The following CENPN variants were observed in gnomAD, a reference collection of about 807,000 sequenced individuals.
CENPN encodes the protein interphase centromere complex protein 32.
In CENPN, 36 loss-of-function variants were observed where a neutral mutation model predicts 48.6. The ratio of observed to expected loss-of-function variants is 0.74; its 90% CI spans 0.57 to 0.98. CENPN has a LOEUF of 0.98. Ranked by LOEUF, CENPN falls within the 50% of genes least tolerant of loss-of-function variation. CENPN has a pLI of 0.00. For synonymous variants in CENPN, 166 were observed against 135.2 expected (o/e 1.23, Z -1.58); for missense variants, 439 against 399.2 (o/e 1.10, Z -0.85).
intron 3 of CENPN, 120 bp downstream of exon 3, chr16:81,014,301 C>T: frequency 1.3e-6 from 1 of 759,846 alleles, no homozygotes; most frequent in East Asian, 2.6e-5. Context: ...GTAACGCCAT[C>T]TCAGCTCACC....
chr16:81,016,556 G>C (rs566401917), intron 3 of CENPN, among the ~76,000 whole-genome samples: 78 of 152,326 alleles, frequency 5.1e-4, no homozygotes, highest in African/African-American at 1.8e-3. Context: ...GAGGTCAGGA[G>C]TTCGACACTA....
chr16:81,017,231 T>G, intron 3 of CENPN, 95 bp from the exon 4 acceptor site: 1 of 814,252 alleles, frequency 1.2e-6, no homozygotes, highest in Non-Finnish European at 2.0e-6. Context: ...GAATTACTGT[T>G]ACTTTCCCCA....
intron 3 of CENPN, chr16:81,017,085 T>A: frequency 2.8e-6 from 1 of 359,648 alleles, no homozygotes; most frequent in South Asian, 3.2e-5. Flanking sequence ...TGGGCTAACA[T>A]AGAATAAATA....
At chr16:81,020,458 G>C (rs1376586854) in intron 6 of CENPN, 182 bp downstream of exon 6, 2 of 510,528 alleles carry the variant, frequency 3.9e-6, no homozygotes, top group Admixed American at 3.9e-5. Context: ...ACGAGTCCAA[G>C]GCTGCCGTGA....
At chr16:81,009,972 G>T (rs1198037918) in intron 1 of CENPN, among the ~76,000 whole-genome samples, 1 of 152,196 alleles carries the variant, frequency 6.6e-6, no homozygotes, top group African/African-American at 2.4e-5. Context: ...GCCGAGGAGG[G>T]CAGATCACTT....
At chr16:81,019,666 C>T (rs1322119443) in intron 5 of CENPN, among the ~76,000 whole-genome samples, 2 of 151,798 alleles carry the variant, frequency 1.3e-5, no homozygotes, top group Non-Finnish European at 2.9e-5. Context: ...GTTTTCAGGA[C>T]AAGCCCAAGA....
intron 2 of CENPN, among the ~76,000 whole-genome samples, chr16:81,013,074 T>C (rs1218745489): frequency 6.6e-6 from 1 of 152,236 alleles, no homozygotes; most frequent in African/African-American, 2.4e-5. Flanking sequence ...AAGACGTGTG[T>C]ACTAATGTTC....
At chr16:81,021,461 C>G (rs980439339) in intron 6 of CENPN, among the ~76,000 whole-genome samples, 80 of 152,298 alleles carry the variant, frequency 5.3e-4, no homozygotes, top group African/African-American at 1.8e-3. Flanking sequence ...ACCATCCTGG[C>G]TGCATCATGT....
In CENPN at chr16:81,023,803, G is replaced by A. The variant is rs148116919; in HGVS notation, c.634-912G>A. The A allele has an allele frequency of 4.5e-3, 678 of 152,266 alleles. 1 individual carries two copies. Among genetic ancestry groups the A allele is most frequent in the Non-Finnish European group, 7.5e-3 (510 of 68,090 alleles). The allele number at this position is 152,266 out of a possible 1,614,324, so 9.4% of individuals were successfully genotyped here. ...AATACAACAAATAACCAGGCATGCC[G>A]GGCGCGGTGGCTCACACCTGTAATC... is the stretch of plus-strand genomic sequence containing the variant. On this transcript the variant is annotated intron_variant, in intron 7 of 10. Coordinates refer to ENST00000305850, the MANE Select transcript of CENPN (RefSeq NM_001100624.3).
chr16:81,010,549 T>C lies in CENPN; in HGVS notation c.-10-1381T>C, dbSNP rs190523064. 2.9e-3 allele frequency among the ~76,000 whole-genome samples: 446 copies of C among 152,256 alleles called. 1 individual carries two copies. Among genetic ancestry groups the C allele is most frequent in the Non-Finnish European group, 5.0e-3 (337 of 68,020 alleles). ...AGCTCTTTGTTCACAGGCGGTGCAT[T>C]AAAGGACTAAGAGACAGCAATCCAC... On this transcript the variant is annotated intron_variant, in intron 1 of 10. Transcript: ENST00000305850.
At chr16:81,027,412 G>A (rs1194884647) in intron 9 of CENPN, among the ~76,000 whole-genome samples, 2 of 152,250 alleles carry the variant, frequency 1.3e-5, no homozygotes, top group South Asian at 2.1e-4. Context: ...TTGAGCCAGG[G>A]AGGTCGAGGC....
chr16:81,032,846 T>G, downstream of CENPN: 1 of 789,106 alleles, frequency 1.3e-6, no homozygotes, highest in Admixed American at 2.9e-5. Context: ...AGCTTGGATG[T>G]GCACTGACTT....
intron 2 of CENPN, among the ~76,000 whole-genome samples, chr16:81,013,918 T>G (rs938072501): frequency 2.0e-5 from 3 of 152,098 alleles, no homozygotes; most frequent in Non-Finnish European, 4.4e-5. Flanking sequence ...AAGTTAAAAG[T>G]GATAAATGAG....
chr16:81,028,112 T>G (rs1477121736), intron 9 of CENPN, 59 bp from the exon 10 acceptor site: 3 of 1,266,796 alleles, frequency 2.4e-6, no homozygotes, highest in Non-Finnish European at 2.3e-6. Context: ...TTTCATTATA[T>G]TTTACCATTC....
chr16:81,016,255 G>C (rs966003885), intron 3 of CENPN, among the ~76,000 whole-genome samples: 2 of 152,204 alleles, frequency 1.3e-5, no homozygotes, highest in African/African-American at 4.8e-5. Context: ...GGACACTTGG[G>C]AGGCTGAGGC....
In CENPN at chr16:81,028,171, C is replaced by T. The variant is rs181295588; in HGVS notation, c.811C>T (p.Leu271Phe). 3 of 1,606,454 alleles carry T rather than the reference C, an allele frequency of 1.9e-6. No individual in the cohort carries two copies. The Admixed American group carries it at 5.0e-5, about 27-fold the overall frequency. ...QPQLEFAQYK[L>F]ETKFKSGLNG... Reference sequence around the variant, plus strand: ...GTCATTTATAAATGTTTGTTGACAGCTTGAAACGAAATTCAAAAGTGGTTT... The same window carrying T: ...GTCATTTATAAATGTTTGTTGACAGTTTGAAACGAAATTCAAAAGTGGTTT... The change falls in exon 10 of 11, where the codon CTT (leucine) becomes TTT (phenylalanine). Residue 271 changes from leucine (L) to phenylalanine (F), a missense_variant and splice_region_variant. Transcript: ENST00000305850.
At chr16:81,012,360 G>A (rs1307730332) in intron 2 of CENPN, among the ~76,000 whole-genome samples, 4 of 152,198 alleles carry the variant, frequency 2.6e-5, no homozygotes, top group South Asian at 2.1e-4. Context: ...TTAAAATAAC[G>A]AGCAGTATTT....
At chr16:81,022,477 T>G (rs1177345207) in intron 6 of CENPN, 120 bp from the exon 7 acceptor site, 2 of 830,338 alleles carry the variant, frequency 2.4e-6, no homozygotes, top group Non-Finnish European at 3.8e-6. Context: ...TTTTCTAGAC[T>G]TCTTTTTACA....
At chr16:81,008,662 G>A (rs1299368529) in intron 1 of CENPN, among the ~76,000 whole-genome samples, 1 of 152,146 alleles carries the variant, frequency 6.6e-6, no homozygotes, top group Non-Finnish European at 1.5e-5. Flanking sequence ...CTTAATGGGA[G>A]AGGTGTTGAT....
Sources: gnomAD v4.1 joint callset for allele counts (sites outside exome capture counted in the v4.1 genomes callset) on GRCh38, gnomAD v4.1.1 for gene constraint, MANE v1.5 for transcripts, NCBI Gene and HGNC (gene_info 2026-07-23, HGNC 2026-07-21) for gene names.